The following DLC1 variants were observed in gnomAD, a reference collection of about 807,000 sequenced individuals.
The protein encoded by DLC1 is DLC1 Rho GTPase activating protein, also known as rho GTPase-activating protein 7.
Under a neutral mutation model 140.3 loss-of-function variants are expected in DLC1, and 54 were observed. That is an observed-to-expected ratio of 0.38 (90% confidence interval 0.31 to 0.48). DLC1 has a LOEUF of 0.48. DLC1 is among the 20% of genes least tolerant of loss of function. The pLI is 0.96. For missense variants in DLC1, 2,536 were observed against 1,907.0 expected (o/e 1.33, Z -6.14); for synonymous variants, 986 against 728.1 (o/e 1.35, Z -5.70).
intron 2 of DLC1, among the ~76,000 whole-genome samples, chr8:13,440,231 T>A (rs1300486751): frequency 6.6e-6 from 1 of 152,238 alleles, no homozygotes; most frequent in South Asian, 2.1e-4. Context: ...TAGGGTTCTA[T>A]GAAATCCATG....
chr8:13,157,842 G>GT (rs1490116570), intron 5 of DLC1, among the ~76,000 whole-genome samples: 1 of 152,222 alleles, frequency 6.6e-6, no homozygotes, highest in Non-Finnish European at 1.5e-5. Context: ...GGCAATTGAC[G>GT]TTTTTTCCTC....
chr8:13,383,324 TCCATATCTG>T (rs1046921190), intron 4 of DLC1, among the ~76,000 whole-genome samples: 4 of 152,308 alleles, frequency 2.6e-5, no homozygotes, highest in African/African-American at 9.6e-5. Flanking sequence ...CGGTTGTTAT[TCCATATCTG>T]CCATACCACT....
chr8:13,103,867 A>G (rs3779993), intron 7 of DLC1, among the ~76,000 whole-genome samples: 44,360 of 149,202 alleles, frequency 0.3, 7,725 homozygotes, highest in East Asian at 0.58. Flanking sequence ...AAAGAAAGAA[A>G]GAAAAGAAAA....
At chr8:13,327,702 C>G (rs907758046) in intron 4 of DLC1, among the ~76,000 whole-genome samples, 1 of 152,176 alleles carries the variant, frequency 6.6e-6, no homozygotes, top group African/African-American at 2.4e-5. Flanking sequence ...TACTCTGTAT[C>G]AGGCACTGTG....
intron 3 of DLC1, among the ~76,000 whole-genome samples, chr8:13,396,702 G>A (rs765406728): frequency 6.6e-6 from 1 of 152,070 alleles, no homozygotes; most frequent in Non-Finnish European, 1.5e-5. Context: ...ATTCTGCAGA[G>A]GCCTCAAACA....
At chr8:13,171,120 G>C (rs1359090635) in intron 5 of DLC1, among the ~76,000 whole-genome samples, 1 of 151,982 alleles carries the variant, frequency 6.6e-6, no homozygotes, top group African/African-American at 2.4e-5. Context: ...TTAAAGTGCA[G>C]GAGAAAAAAA....
chr8:13,358,058 A>C (rs894380289), intron 4 of DLC1, among the ~76,000 whole-genome samples: 1 of 152,192 alleles, frequency 6.6e-6, no homozygotes, highest in African/African-American at 2.4e-5. Flanking sequence ...AAGAGATGAA[A>C]ATTTTCTGAA....
At chr8:13,123,971 T>C (rs1821340839) in intron 5 of DLC1, among the ~76,000 whole-genome samples, 1 of 152,228 alleles carries the variant, frequency 6.6e-6, no homozygotes, top group Admixed American at 6.5e-5. Context: ...TGTATAAATA[T>C]AAGTACACAT....
chr8:13,333,617 C>T (rs28722012), intron 4 of DLC1, among the ~76,000 whole-genome samples: 59,269 of 151,988 alleles, frequency 0.39, 12,074 homozygotes, highest in Middle Eastern at 0.46. Flanking sequence ...GGAAATGGCT[C>T]TCCTGCTTGT....
chr8:13,128,612 C>A (rs1821793714), intron 5 of DLC1, among the ~76,000 whole-genome samples: 2 of 152,194 alleles, frequency 1.3e-5, no homozygotes, highest in South Asian at 4.1e-4. Context: ...GCGGGCGGAT[C>A]ACGAGGTCAG....
intron 5 of DLC1, among the ~76,000 whole-genome samples, chr8:13,178,896 A>G (rs9644024): frequency 0.57 from 87,009 of 151,934 alleles, 25,441 homozygotes; most frequent in East Asian, 0.86. Flanking sequence ...TGATATGGCA[A>G]TTCTACCAAA....
At chr8:13,254,152 C>G (rs1254231346) in intron 5 of DLC1, among the ~76,000 whole-genome samples, 2 of 151,470 alleles carry the variant, frequency 1.3e-5, no homozygotes, top group East Asian at 3.9e-4. Flanking sequence ...CCCTCCTTTC[C>G]CCCACCCCAA....
chr8:13,127,579 T>C (rs936168631), intron 5 of DLC1, among the ~76,000 whole-genome samples: 2 of 152,248 alleles, frequency 1.3e-5, no homozygotes, highest in Non-Finnish European at 2.9e-5. Context: ...TTTCAGCATC[T>C]TCTATTTTGT....
chr8:13,357,138 ATG>A (rs1224525416), intron 4 of DLC1, among the ~76,000 whole-genome samples: 4 of 152,050 alleles, frequency 2.6e-5, no homozygotes, highest in African/African-American at 9.7e-5. Flanking sequence ...GGGCATGGTG[ATG>A]TGTGCCTGTA....
intron 5 of DLC1, among the ~76,000 whole-genome samples, chr8:13,296,309 A>C (rs1831950963): frequency 6.6e-6 from 1 of 152,070 alleles, no homozygotes; most frequent in Non-Finnish European, 1.5e-5. Context: ...AAATGGATAC[A>C]AAAGGGCCCT....
At chr8:13,279,534 G>A (rs932651697) in intron 5 of DLC1, among the ~76,000 whole-genome samples, 1 of 152,166 alleles carries the variant, frequency 6.6e-6, no homozygotes, top group African/African-American at 2.4e-5. Context: ...GGGAAGTGCA[G>A]CTAAGCATTT....
rs1825058664 is a variant in DLC1, at chr8:13,165,694, C to G, written c.1349-50037G>C. 4.6e-5 allele frequency among the ~76,000 whole-genome samples: 7 copies of G among 152,332 alleles called. 1 individual carries two copies. In the South Asian group the frequency reaches 1.5e-3, roughly 32 times the overall value. ...TAGCCAGAGCAGTGGACGCTCCAAT[C>G]AAAACATCGGCCTCTACACCTTCCT... On this transcript the variant is annotated intron_variant, in intron 5 of 17. Coordinates refer to ENST00000276297, the MANE Select transcript of DLC1 (RefSeq NM_182643.3).
intron 1 of DLC1, among the ~76,000 whole-genome samples, chr8:13,602,140 G>C (rs1390811769): frequency 6.6e-6 from 1 of 151,374 alleles, no homozygotes; most frequent in East Asian, 1.9e-4. Context: ...GAAATCAGAG[G>C]AACATGTTAA....
At position 13,389,238 on chromosome 8, in the gene DLC1, A is replaced by G. The variant is rs567974589; in HGVS notation, c.1314+4315T>C. On this transcript the variant is annotated intron_variant, in intron 4 of 17. Coordinates refer to ENST00000276297, the MANE Select transcript of DLC1 (RefSeq NM_182643.3). The stretch of plus-strand genomic sequence containing the variant: ...TATAAGTAAATTATCTTTAGGAAAA[A>G]CAACCACAACAAAACCTCAGAGATT... Among the ~76,000 whole-genome samples the G allele has an allele frequency of 7.6e-4, 116 of 152,244 alleles. 1 individual carries two copies. The highest frequency in any genetic ancestry group is 2.7e-3 in the African/African-American group (113 of 41,576).
Sources: allele counts gnomAD v4.1 joint callset (sites outside exome capture counted in the v4.1 genomes callset), GRCh38; gene constraint gnomAD v4.1.1; transcripts MANE v1.5; gene names NCBI Gene and HGNC (gene_info 2026-07-23, HGNC 2026-07-21).